SCP2: variants seen among roughly 807,000 people sequenced by gnomAD.
SCP2 encodes the protein sterol carrier protein 2.
Under a neutral mutation model 71.4 loss-of-function variants are expected in SCP2, and 48 were observed. The observed-to-expected ratio is 0.67, with a 90% CI of 0.53 to 0.86. SCP2 has a LOEUF of 0.86. SCP2 is among the 40% of genes least tolerant of loss of function. The pLI, the probability that SCP2 is intolerant of heterozygous loss-of-function variation, is 0.00. For synonymous variants in SCP2, 220 were observed against 218.1 expected, an observed-to-expected ratio of 1.01 and a Z score of -0.08; for missense variants, 560 against 655.6, an observed-to-expected ratio of 0.85 and a Z score of 1.59.
intron 6 of SCP2, among the ~76,000 whole-genome samples, chr1:52,965,679 G>A (rs1465363627): frequency 6.6e-6 from 1 of 152,088 alleles, no homozygotes; most frequent in Non-Finnish European, 1.5e-5. Flanking sequence ...CCGTTGCCCA[G>A]GCTGGAGTGC....
At chr1:53,010,190 C>G (rs1275521640) in intron 11 of SCP2, among the ~76,000 whole-genome samples, 1 of 152,184 alleles carries the variant, frequency 6.6e-6, no homozygotes, top group African/African-American at 2.4e-5. Flanking sequence ...GGACTGTAAA[C>G]TAGTTCAACC....
chr1:52,951,170 T>C (rs1298529725), intron 4 of SCP2, among the ~76,000 whole-genome samples: 1 of 151,830 alleles, frequency 6.6e-6, no homozygotes, highest in Non-Finnish European at 1.5e-5. Context: ...TAGTCCCAGC[T>C]ATCTGGGAGG....
chr1:53,020,762 C>G (rs960770407), intron 12 of SCP2, among the ~76,000 whole-genome samples: 1 of 152,144 alleles, frequency 6.6e-6, no homozygotes, highest in Non-Finnish European at 1.5e-5. Context: ...TATGAGGTTT[C>G]TTTGTTTGTC....
chr1:53,050,707 A>G lies in SCP2; in HGVS notation c.*3A>G, dbSNP rs1219604761. 6.3e-7 allele frequency: 1 copy of G among 1,596,154 alleles called. No homozygotes were observed. ...AGCCAGGCAACGCTAAGCTCTGAAGAACTCCCTTTGGCTACTTTTGAAAAT... is the reference window on the plus strand; with the variant it reads ...AGCCAGGCAACGCTAAGCTCTGAAGGACTCCCTTTGGCTACTTTTGAAAAT... On this transcript the variant is annotated 3_prime_UTR_variant, in exon 16 of 16. Coordinates refer to ENST00000371514, the MANE Select transcript of SCP2 (RefSeq NM_002979.5).
At chr1:53,017,972 A>G (rs1045389440) in intron 12 of SCP2, among the ~76,000 whole-genome samples, 1 of 152,124 alleles carries the variant, frequency 6.6e-6, no homozygotes, top group Non-Finnish European at 1.5e-5. Context: ...CTCTTGCCTC[A>G]GCCTCCCAAG....
intron 11 of SCP2, among the ~76,000 whole-genome samples, chr1:52,999,218 A>G (rs1660147159): frequency 6.6e-6 from 1 of 152,250 alleles, no homozygotes; most frequent in Admixed American, 6.5e-5. Context: ...AATCTGGCAC[A>G]TGGCCATTAG....
chr1:52,989,089 T>C (rs902241769), intron 11 of SCP2, among the ~76,000 whole-genome samples: 1 of 152,256 alleles, frequency 6.6e-6, no homozygotes, highest in Admixed American at 6.5e-5. Flanking sequence ...ATTTACCTTC[T>C]CCTATCTTTT....
At chr1:52,934,194 TC>T (rs1425552908) in intron 1 of SCP2, among the ~76,000 whole-genome samples, 4 of 152,236 alleles carry the variant, frequency 2.6e-5, no homozygotes, top group African/African-American at 9.6e-5. Context: ...ACGAATGAAG[TC>T]AGCAGTCACG....
chr1:53,015,948 G>T (rs973134326), intron 12 of SCP2, among the ~76,000 whole-genome samples: 1 of 151,982 alleles, frequency 6.6e-6, no homozygotes, highest in African/African-American at 2.4e-5. Context: ...GACATTAATT[G>T]GCTCCCTTTT....
At chr1:52,930,044 C>T (rs1652997200) in intron 1 of SCP2, among the ~76,000 whole-genome samples, 1 of 152,192 alleles carries the variant, frequency 6.6e-6, no homozygotes. Context: ...ACTTATCTTT[C>T]AAGAACTAGG....
intron 11 of SCP2, among the ~76,000 whole-genome samples, chr1:53,009,323 A>C (rs1296733830): frequency 6.6e-6 from 1 of 152,226 alleles, no homozygotes; most frequent in Non-Finnish European, 1.5e-5. Flanking sequence ...TGCCAAGACA[A>C]TCCTAAGCCA....
At chr1:52,969,921 A>G (rs754151326) in intron 6 of SCP2, among the ~76,000 whole-genome samples, 30 of 152,216 alleles carry the variant, frequency 2.0e-4, no homozygotes, top group Non-Finnish European at 4.1e-4. Context: ...AGCATGTATT[A>G]GGACCTCATT....
chr1:52,995,237 T>G, intron 11 of SCP2: 1 of 500,098 alleles, frequency 2.0e-6, no homozygotes, highest in Non-Finnish European at 4.0e-6. Flanking sequence ...CCACCCAAAG[T>G]GTCTGACACC....
intron 14 of SCP2, among the ~76,000 whole-genome samples, chr1:53,045,493 T>C (rs771920412): frequency 5.9e-5 from 9 of 152,198 alleles, no homozygotes; most frequent in Non-Finnish European, 1.0e-4. Context: ...AATAAAGTTG[T>C]TATGAATATT....
intron 2 of SCP2, among the ~76,000 whole-genome samples, chr1:52,942,448 ATT>A (rs766798906): frequency 2.0e-5 from 3 of 152,092 alleles, no homozygotes; most frequent in African/African-American, 4.8e-5. Context: ...TTCTCTAAGC[ATT>A]CAGCATTCTT....
At chr1:53,013,895 T>C (rs2150226565) in intron 11 of SCP2, among the ~76,000 whole-genome samples, 1 of 82,710 alleles carries the variant, frequency 1.2e-5, no homozygotes, top group African/African-American at 9.6e-5. Context: ...TTTTTTTTTT[T>C]TTTTTTTTTT....
At chr1:52,952,772 A>G (rs1209222247) in intron 4 of SCP2, among the ~76,000 whole-genome samples, 1 of 151,976 alleles carries the variant, frequency 6.6e-6, no homozygotes, top group Non-Finnish European at 1.5e-5. Context: ...GTCTTTTAAA[A>G]CTTGGGGTAG....
intron 12 of SCP2, among the ~76,000 whole-genome samples, chr1:53,025,240 C>T (rs1662040270): frequency 6.7e-6 from 1 of 150,134 alleles, no homozygotes; most frequent in Non-Finnish European, 1.5e-5. Flanking sequence ...TGCTGGTTTT[C>T]CTCTTGCATC....
chr1:52,964,745 T>C (rs1656794190), intron 6 of SCP2, among the ~76,000 whole-genome samples: 1 of 152,140 alleles, frequency 6.6e-6, no homozygotes, highest in African/African-American at 2.4e-5. Flanking sequence ...CTGGGTGCTG[T>C]GGCTCACGCC....
Sources: allele counts gnomAD v4.1 joint callset (sites outside exome capture counted in the v4.1 genomes callset), GRCh38; gene constraint gnomAD v4.1.1; transcripts MANE v1.5; gene names NCBI Gene and HGNC (gene_info 2026-07-23, HGNC 2026-07-21).